The following CEP128 variants were observed in gnomAD, a reference collection of about 807,000 sequenced individuals.
CEP128 encodes the protein centrosomal protein 128, also known as centrosomal protein 128kDa.
Under a neutral mutation model 156.7 loss-of-function variants are expected in CEP128, and 132 were observed. That is an observed-to-expected ratio of 0.84 (90% CI 0.73 to 0.97). The LOEUF (loss-of-function observed/expected upper bound fraction) is 0.97. Ranked by LOEUF, CEP128 falls within the 50% of genes least tolerant of loss-of-function variation. The pLI, the probability that CEP128 is intolerant of heterozygous loss-of-function variation, is 0.00. For synonymous variants in CEP128, 469 were observed against 448.9 expected (o/e 1.04, Z -0.57); for missense variants, 1,252 against 1,281.9 (o/e 0.98, Z 0.36).
chr14:80,806,952 C>T (rs930679828), intron 13 of CEP128, among the ~76,000 whole-genome samples: 1 of 152,054 alleles, frequency 6.6e-6, no homozygotes, highest in Non-Finnish European at 1.5e-5. Flanking sequence ...AATACAGTAA[C>T]TTTGTGCACT....
chr14:80,900,184 T>A (rs1415576808), intron 6 of CEP128, among the ~76,000 whole-genome samples, 155 bp from the exon 7 acceptor site: 1 of 152,010 alleles, frequency 6.6e-6, no homozygotes. Flanking sequence ...AAGAAAAAAA[T>A]TTTCCAAGAA....
chr14:80,601,444 A>G (rs991216968), intron 19 of CEP128, among the ~76,000 whole-genome samples: 1 of 152,214 alleles, frequency 6.6e-6, no homozygotes, highest in Admixed American at 6.5e-5. Flanking sequence ...GAAACAAAAC[A>G]AAAATCACAA....
intron 9 of CEP128, among the ~76,000 whole-genome samples, chr14:80,848,518 G>C (rs2140108790): frequency 6.6e-6 from 1 of 152,184 alleles, no homozygotes; most frequent in Admixed American, 6.5e-5. Context: ...AAAATTAGCT[G>C]GGTGTCTTGG....
intron 20 of CEP128, among the ~76,000 whole-genome samples, chr14:80,566,449 G>T (rs1890912079): frequency 6.6e-6 from 1 of 151,946 alleles, no homozygotes. Context: ...AAAAGGGAAA[G>T]GCTTTGATTA....
intron 19 of CEP128, among the ~76,000 whole-genome samples, chr14:80,597,852 A>G (rs1170161711): frequency 6.6e-6 from 1 of 151,406 alleles, no homozygotes; most frequent in Non-Finnish European, 1.5e-5. Context: ...TCACAGGATC[A>G]TATCAATCAA....
At chr14:80,790,749 G>A (rs748498453) in intron 14 of CEP128, among the ~76,000 whole-genome samples, 15 of 151,890 alleles carry the variant, frequency 9.9e-5, no homozygotes, top group East Asian at 1.9e-4. Flanking sequence ...GCTTTTTGCC[G>A]TTTTGTATAT....
rs76032457 is a variant in CEP128 at position 80,750,398 on chromosome 14, C to CT, written c.2613+6493dup. On this transcript the variant is annotated intron_variant, in intron 18 of 24. Transcript: ENST00000555265. Reference sequence around the variant, plus strand: ...TCCGCCATATGAGAATGAAACTCTACTTTTTTTTTTATCAGATCTTCTGAT... The same window carrying CT: ...TCCGCCATATGAGAATGAAACTCTACTTTTTTTTTTTATCAGATCTTCTGAT... 9.0e-3 allele frequency among the ~76,000 whole-genome samples: 1,355 copies of CT among 150,160 alleles called. 16 individuals carry two copies. Among genetic ancestry groups the CT allele is most frequent in the Non-Finnish European group, 0.011 (730 of 67,472 alleles).
At chr14:80,817,816 G>A (rs1022386546) in intron 13 of CEP128, among the ~76,000 whole-genome samples, 1 of 151,932 alleles carries the variant, frequency 6.6e-6, no homozygotes, top group African/African-American at 2.4e-5. Flanking sequence ...GGGAGGCGGA[G>A]GTTGCAGTGA....
chr14:80,699,316 G>T (rs1186292849), intron 19 of CEP128, among the ~76,000 whole-genome samples: 2 of 152,140 alleles, frequency 1.3e-5, no homozygotes, highest in Non-Finnish European at 2.9e-5. Context: ...ATAAAAAACA[G>T]TGTCTCCCAT....
chr14:80,867,913 A>C (rs1024167730), intron 8 of CEP128, among the ~76,000 whole-genome samples: 4 of 152,200 alleles, frequency 2.6e-5, no homozygotes, highest in Non-Finnish European at 4.4e-5. Context: ...ACGCACAATA[A>C]TCAAATTCTC....
At chr14:80,567,344 CAAAG>C (rs1453625786) in intron 20 of CEP128, among the ~76,000 whole-genome samples, 1 of 151,914 alleles carries the variant, frequency 6.6e-6, no homozygotes, top group Non-Finnish European at 1.5e-5. Context: ...GTGGGGAAAA[CAAAG>C]AAGATGAAGA....
intron 19 of CEP128, among the ~76,000 whole-genome samples, chr14:80,705,313 G>C (rs1897205849): frequency 6.6e-6 from 1 of 150,972 alleles, no homozygotes; most frequent in Non-Finnish European, 1.5e-5. Context: ...TTGTTTTTTT[G>C]TTTTTAGTGG....
At chr14:80,494,481 CT>C (rs1887425994), downstream of CEP128, among the ~76,000 whole-genome samples, 1 of 152,080 alleles carries the variant, frequency 6.6e-6, no homozygotes, top group African/African-American at 2.4e-5. Flanking sequence ...GTATTTATCT[CT>C]TCCTAAAAAA....
rs1452987519 is a variant in CEP128 at position 80,941,635 on chromosome 14, C to G, written c.-226G>C. ...ATGCCGGATCATCGCCTAGGCCCCACCCGGCTCCCGCGGCTACCAGTGACC... is the reference window on the plus strand; with the variant it reads ...ATGCCGGATCATCGCCTAGGCCCCAGCCGGCTCCCGCGGCTACCAGTGACC... On this transcript the variant is annotated 5_prime_UTR_variant, in exon 1 of 25. Transcript: ENST00000555265. 1 of 152,728 alleles carries G rather than the reference C, an allele frequency of 6.5e-6. No homozygotes were observed. Among genetic ancestry groups the G allele is most frequent in the Non-Finnish European group, 1.5e-5 (1 of 68,208 alleles). The allele number at this position is 152,728 out of a possible 1,614,324, so 9.5% of individuals were successfully genotyped here.
At chr14:80,890,611 C>T (rs923745231) in intron 8 of CEP128, among the ~76,000 whole-genome samples, 4 of 151,922 alleles carry the variant, frequency 2.6e-5, no homozygotes, top group African/African-American at 9.7e-5. Context: ...GAACATCACA[C>T]ACTGGGGCCT....
At chr14:80,615,499 C>T (rs2140617028) in intron 19 of CEP128, among the ~76,000 whole-genome samples, 1 of 152,250 alleles carries the variant, frequency 6.6e-6, no homozygotes, top group Middle Eastern at 3.4e-3. Context: ...ACAAATCTGC[C>T]TCATGGTGAA....
At chr14:80,731,066 CTT>C (rs1444235451) in intron 19 of CEP128, among the ~76,000 whole-genome samples, 3 of 152,102 alleles carry the variant, frequency 2.0e-5, no homozygotes, top group Admixed American at 6.6e-5. Flanking sequence ...AGCCTAAAGA[CTT>C]TGAAATTTTG....
At chr14:80,802,682 GA>G (rs903564823) in intron 13 of CEP128, among the ~76,000 whole-genome samples, 1 of 149,372 alleles carries the variant, frequency 6.7e-6, no homozygotes, top group Non-Finnish European at 1.5e-5. Flanking sequence ...AAGAAATAAA[GA>G]AAAAAAAAGA....
At chr14:80,807,049 A>C (rs1212266159) in intron 13 of CEP128, among the ~76,000 whole-genome samples, 1 of 152,204 alleles carries the variant, frequency 6.6e-6, no homozygotes, top group African/African-American at 2.4e-5. Context: ...TGTTTTTCAA[A>C]AATAAATATT....
Sources: allele counts gnomAD v4.1 joint callset (sites outside exome capture counted in the v4.1 genomes callset), GRCh38; gene constraint gnomAD v4.1.1; transcripts MANE v1.5; gene names NCBI Gene and HGNC (gene_info 2026-07-23, HGNC 2026-07-21).